Variants in CACNA2D3 observed in about 807,000 individuals in gnomAD.
CACNA2D3 encodes the protein voltage-dependent calcium channel subunit alpha-2/delta-3.
In CACNA2D3, 60 loss-of-function variants were observed where a neutral mutation model predicts 160.6. The ratio of observed to expected loss-of-function variants is 0.37; its 90% CI spans 0.30 to 0.46. The LOEUF (loss-of-function observed/expected upper bound fraction) is 0.46. CACNA2D3 is among the 20% of genes least tolerant of loss of function. CACNA2D3 has a pLI of 1.00. For synonymous variants in CACNA2D3, 558 were observed against 492.9 expected, an observed-to-expected ratio of 1.13 and a Z score of -1.75; for missense variants, 1,205 against 1,365.0, an observed-to-expected ratio of 0.88 and a Z score of 1.85.
chr3:54,133,032 C>G (rs78475159), intron 2 of CACNA2D3, among the ~76,000 whole-genome samples: 1,597 of 152,214 alleles, frequency 0.01, 33 homozygotes, highest in African/African-American at 0.037. Context: ...TTCTACATAC[C>G]AGCAAGTGTT....
In CACNA2D3 at chr3:54,347,148, C is replaced by T. The variant is rs3935043; in HGVS notation, c.321+26590C>T. Among the ~76,000 whole-genome samples, 466 of 152,296 alleles carry T rather than the reference C, an allele frequency of 3.1e-3. 4 individuals carry two copies. Among genetic ancestry groups the T allele is most frequent in the African/African-American group, 9.7e-3 (401 of 41,548 alleles). On this transcript the variant is annotated intron_variant, in intron 3 of 37. Coordinates refer to ENST00000474759, the MANE Select transcript of CACNA2D3 (RefSeq NM_018398.3). ...ACAGCACTGTGCTGCATATTTTATA[C>T]GCAAGGGCCCGGTTGGCACCTTATG...
chr3:54,974,030 C>T (rs556090867), intron 29 of CACNA2D3, among the ~76,000 whole-genome samples: 2 of 152,156 alleles, frequency 1.3e-5, no homozygotes, highest in South Asian at 4.2e-4. Context: ...AGTACAATAC[C>T]GGGTTTCTAA....
In CACNA2D3 at chr3:54,562,788, T is replaced by TC; in HGVS notation, c.545-11dup. 3 of 1,607,016 alleles carry TC rather than the reference T, an allele frequency of 1.9e-6. No individual in the cohort carries two copies. The highest frequency in any genetic ancestry group is 1.7e-4 in the Middle Eastern group (1 of 6,050). ...TCTAATACACCCCTCTCTCTCTCTTTCTTTTTTACAGACCCTGCAATTGTC... is the reference window on the plus strand; with the variant it reads ...TCTAATACACCCCTCTCTCTCTCTTTCCTTTTTTACAGACCCTGCAATTGTC... On this transcript the variant is annotated splice_polypyrimidine_tract_variant and intron_variant, in intron 5 of 37. Coordinates refer to ENST00000474759, the MANE Select transcript of CACNA2D3 (RefSeq NM_018398.3).
At chr3:54,133,453 A>G (rs1699757380) in intron 2 of CACNA2D3, among the ~76,000 whole-genome samples, 2 of 152,150 alleles carry the variant, frequency 1.3e-5, no homozygotes, top group South Asian at 4.1e-4. Flanking sequence ...GATTTCTAGG[A>G]CCAACCATTT....
chr3:54,941,528 TG>T (rs1701465982), intron 27 of CACNA2D3, among the ~76,000 whole-genome samples: 1 of 152,168 alleles, frequency 6.6e-6, no homozygotes, highest in Non-Finnish European at 1.5e-5. Flanking sequence ...CGGGATTATG[TG>T]GGTGAGCAGT....
chr3:54,312,663 G>A (rs1360169611), intron 2 of CACNA2D3, among the ~76,000 whole-genome samples: 1 of 152,164 alleles, frequency 6.6e-6, no homozygotes, highest in Non-Finnish European at 1.5e-5. Context: ...ATGCATTTCT[G>A]TGTCTTCCTT....
chr3:54,584,053 A>T (rs184213049), intron 9 of CACNA2D3, among the ~76,000 whole-genome samples: 1 of 152,316 alleles, frequency 6.6e-6, no homozygotes, highest in Non-Finnish European at 1.5e-5. Flanking sequence ...TAAGAAGTTG[A>T]TCTTTTGCCC....
At chr3:54,950,094 G>A (rs777201121) in intron 27 of CACNA2D3, among the ~76,000 whole-genome samples, 10 of 152,232 alleles carry the variant, frequency 6.6e-5, no homozygotes, top group Non-Finnish European at 1.2e-4. Flanking sequence ...AAAAAAGGGC[G>A]AAGTCTTTTT....
intron 22 of CACNA2D3, 63 bp downstream of exon 22, chr3:54,885,389 G>T (rs1328463636): frequency 6.2e-6 from 10 of 1,606,038 alleles, no homozygotes; most frequent in African/African-American, 1.3e-5. Context: ...GATTCCACAT[G>T]GTTTGTGCTC....
intron 25 of CACNA2D3, among the ~76,000 whole-genome samples, chr3:54,892,226 TAGAG>T (rs758605296): frequency 5.9e-5 from 9 of 152,044 alleles, no homozygotes; most frequent in Non-Finnish European, 1.0e-4. Context: ...TTCAGAAAGT[TAGAG>T]AGTGGTTTGC....
intron 5 of CACNA2D3, among the ~76,000 whole-genome samples, chr3:54,546,668 G>A (rs542090947): frequency 2.9e-4 from 43 of 150,604 alleles, no homozygotes; most frequent in Admixed American, 1.3e-3. Context: ...AACCAACTGC[G>A]TATCATGATT....
At chr3:54,383,495 A>C (rs953820094) in intron 3 of CACNA2D3, among the ~76,000 whole-genome samples, 1 of 152,198 alleles carries the variant, frequency 6.6e-6, no homozygotes, top group Non-Finnish European at 1.5e-5. Flanking sequence ...CTGCTGGTTG[A>C]TTGTCATTTC....
intron 2 of CACNA2D3, among the ~76,000 whole-genome samples, chr3:54,161,768 AAG>A (rs1197148357): frequency 6.6e-6 from 1 of 152,214 alleles, no homozygotes; most frequent in Non-Finnish European, 1.5e-5. Context: ...GTACCTTGAC[AAG>A]AGAGTCCTTT....
At chr3:54,173,426 T>G (rs192297215) in intron 2 of CACNA2D3, among the ~76,000 whole-genome samples, 247 of 152,220 alleles carry the variant, frequency 1.6e-3, no homozygotes, top group Middle Eastern at 0.01. Flanking sequence ...TTTTAAAAGG[T>G]TTTTCAGAAG....
chr3:54,522,314 T>C (rs2106992758), intron 5 of CACNA2D3, among the ~76,000 whole-genome samples: 1 of 152,322 alleles, frequency 6.6e-6, no homozygotes, highest in Middle Eastern at 3.4e-3. Context: ...AATTGTTTTC[T>C]TAATTTCATT....
At chr3:54,569,414 G>A (rs1702459155) in intron 6 of CACNA2D3, among the ~76,000 whole-genome samples, 1 of 151,208 alleles carries the variant, frequency 6.6e-6, no homozygotes, top group African/African-American at 2.4e-5. Flanking sequence ...GGACGGGCCA[G>A]ACTCTGCCCA....
At chr3:54,504,582 T>G (rs1185316550) in intron 5 of CACNA2D3, among the ~76,000 whole-genome samples, 1 of 152,196 alleles carries the variant, frequency 6.6e-6, no homozygotes, top group African/African-American at 2.4e-5. Context: ...CCTAAAAAAC[T>G]TCTAAACAAA....
intron 17 of CACNA2D3, among the ~76,000 whole-genome samples, chr3:54,858,374 A>G (rs1025000489): frequency 9.9e-5 from 15 of 152,106 alleles, no homozygotes; most frequent in African/African-American, 3.4e-4. Flanking sequence ...TATGTAATTT[A>G]AAGGACCATC....
At chr3:54,284,933 G>C (rs1211398342) in intron 2 of CACNA2D3, among the ~76,000 whole-genome samples, 1 of 152,124 alleles carries the variant, frequency 6.6e-6, no homozygotes, top group Non-Finnish European at 1.5e-5. Context: ...TGTCATAAAG[G>C]AGTATATAAA....
Sources: gnomAD v4.1 joint callset for allele counts (sites outside exome capture counted in the v4.1 genomes callset) on GRCh38, gnomAD v4.1.1 for gene constraint, MANE v1.5 for transcripts, NCBI Gene and HGNC (gene_info 2026-07-23, HGNC 2026-07-21) for gene names.